The following PRICKLE2 variants were observed in gnomAD, a reference collection of about 807,000 sequenced individuals.
The protein encoded by PRICKLE2 is prickle planar cell polarity protein 2.
Under a neutral mutation model 81.4 loss-of-function variants are expected in PRICKLE2, and 21 were observed. That is an observed-to-expected ratio of 0.26 (90% CI 0.18 to 0.37). The LOEUF is 0.37. Among genes scored for constraint, PRICKLE2 ranks in the 10% least tolerant of loss-of-function variants. PRICKLE2 has a pLI of 1.00. For missense variants in PRICKLE2, 940 were observed against 1,109.0 expected, an observed-to-expected ratio of 0.85 and a Z score of 2.16; for synonymous variants, 456 against 421.5, an observed-to-expected ratio of 1.08 and a Z score of -1.00.
In PRICKLE2 at chr3:64,146,928, C is replaced by T. The variant is rs779903053; in HGVS notation, c.1562G>A (p.Arg521His). The change falls in exon 7 of 8, where the codon CGT (arginine) becomes CAT (histidine). Residue 521 changes from arginine to histidine, a missense_variant. Physicochemically the swap from Arg to His is conservative, Grantham distance 29. This residue lies in a region of PRICKLE2 where 670 missense variants were observed against 717.2 expected (regional missense o/e 0.93). Transcript: ENST00000638394. ...GGLSTQQCRT[R>H]HPISSLKYTE... is the part of the protein sequence containing the mutation. ...GTATTTCAGGGAACTGATGGGATGA[C>T]GGGTCCGACACTGCTGAGTGGACAA... 26 of 1,613,986 alleles carry T rather than the reference C, an allele frequency of 1.6e-5. No individual in the cohort carries two copies. Among genetic ancestry groups the T allele is most frequent in the Admixed American group, 6.7e-5 (4 of 59,990 alleles).
intron 2 of PRICKLE2, among the ~76,000 whole-genome samples, chr3:64,166,477 A>G (rs1365890068): frequency 4.6e-5 from 7 of 152,152 alleles, no homozygotes; most frequent in African/African-American, 1.4e-4. Context: ...ATCCATCCTA[A>G]AGACTGAATT....
intron 1 of PRICKLE2, among the ~76,000 whole-genome samples, chr3:64,222,329 A>G (rs955814141): frequency 4.6e-5 from 7 of 152,238 alleles, no homozygotes; most frequent in Non-Finnish European, 1.0e-4. Flanking sequence ...GCAACCAGGA[A>G]CGACCAACTC....
chr3:64,260,476 T>C (rs915353450), intron 2 of PRICKLE2, among the ~76,000 whole-genome samples: 10 of 152,208 alleles, frequency 6.6e-5, no homozygotes, highest in Admixed American at 2.6e-4. Context: ...GCAGCACTAT[T>C]TCCCTAAGCC....
At chr3:64,168,604 G>A (rs917926081) in intron 2 of PRICKLE2, among the ~76,000 whole-genome samples, 3 of 151,982 alleles carry the variant, frequency 2.0e-5, no homozygotes, top group African/African-American at 7.3e-5. Context: ...TCTGGAGGTG[G>A]GTATTTCATA....
intron 2 of PRICKLE2, among the ~76,000 whole-genome samples, chr3:64,231,507 T>G (rs2079102461): frequency 1.3e-5 from 2 of 152,108 alleles, no homozygotes; most frequent in Admixed American, 1.3e-4. Flanking sequence ...GATGCTCTGG[T>G]TTTTCAGTAT....
intron 7 of PRICKLE2, among the ~76,000 whole-genome samples, chr3:64,126,471 A>G (rs2077108486): frequency 1.3e-5 from 2 of 152,232 alleles, no homozygotes; most frequent in African/African-American, 4.8e-5. Flanking sequence ...CTGCCTCTGC[A>G]GCTGGTTTTA....
intron 5 of PRICKLE2, chr3:64,154,675 T>C (rs2077600396): frequency 6.6e-6 from 1 of 152,188 alleles, no homozygotes; most frequent in Admixed American, 6.5e-5. Context: ...GATATGATGC[T>C]AAAAGCATAA....
chr3:64,264,989 A>G (rs927909810), intron 2 of PRICKLE2, among the ~76,000 whole-genome samples: 3 of 152,190 alleles, frequency 2.0e-5, no homozygotes, highest in African/African-American at 7.2e-5. Flanking sequence ...GAGTTTTCCC[A>G]GACATTGAGT....
chr3:64,235,083 A>G (rs2079160865), intron 2 of PRICKLE2, among the ~76,000 whole-genome samples: 1 of 152,044 alleles, frequency 6.6e-6, no homozygotes, highest in Admixed American at 6.6e-5. Flanking sequence ...TCTGCTCTTC[A>G]GCATACACAA....
chr3:64,172,593 G>A (rs576734882), intron 2 of PRICKLE2, among the ~76,000 whole-genome samples: 2 of 152,294 alleles, frequency 1.3e-5, no homozygotes, highest in South Asian at 2.1e-4. Context: ...AAATGATATC[G>A]TGTAACTAAC....
chr3:64,136,573 T>C (rs984980146), intron 7 of PRICKLE2, among the ~76,000 whole-genome samples: 2 of 151,776 alleles, frequency 1.3e-5, no homozygotes, highest in Admixed American at 1.3e-4. Flanking sequence ...CTGCTTGTAC[T>C]AGGAAGTAGG....
intron 1 of PRICKLE2, among the ~76,000 whole-genome samples, chr3:64,216,234 C>A (rs1007707173): frequency 2.0e-5 from 3 of 152,212 alleles, no homozygotes; most frequent in Non-Finnish European, 4.4e-5. Context: ...CAGTTTTAAA[C>A]CTTTCGGGTG....
At chr3:64,192,511 T>C (rs2078361769) in intron 2 of PRICKLE2, among the ~76,000 whole-genome samples, 1 of 152,234 alleles carries the variant, frequency 6.6e-6, no homozygotes, top group Admixed American at 6.5e-5. Context: ...AGGAGATACA[T>C]TTAATCTGAC....
intron 1 of PRICKLE2, among the ~76,000 whole-genome samples, chr3:64,204,873 G>C (rs1049664199): frequency 1.3e-5 from 2 of 152,014 alleles, no homozygotes; most frequent in Non-Finnish European, 2.9e-5. Flanking sequence ...CCTCAGAAGG[G>C]GGCAGAGGGT....
intron 4 of PRICKLE2, among the ~76,000 whole-genome samples, chr3:64,158,983 A>C (rs1312009775): frequency 6.6e-6 from 1 of 152,200 alleles, no homozygotes. Context: ...GGAATGTTCA[A>C]AAAGCTGTAG....
At chr3:64,102,019 G>A (rs985027545) in intron 7 of PRICKLE2, 3 of 152,140 alleles carry the variant, frequency 2.0e-5, no homozygotes, top group African/African-American at 7.2e-5. Context: ...CCCTTATGTA[G>A]TATTCCAGTC....
chr3:64,168,800 C>A (rs1349431166), intron 2 of PRICKLE2, among the ~76,000 whole-genome samples: 1 of 152,292 alleles, frequency 6.6e-6, no homozygotes, highest in African/African-American at 2.4e-5. Context: ...AATAGGTCTG[C>A]GTGGCTGACC....
At chr3:64,142,231 T>C (rs1272722769) in intron 7 of PRICKLE2, among the ~76,000 whole-genome samples, 1 of 152,068 alleles carries the variant, frequency 6.6e-6, no homozygotes, top group African/African-American at 2.4e-5. Context: ...CAAAATGACT[T>C]TCTTTAATTC....
chr3:64,146,657 G>A lies in PRICKLE2; in HGVS notation c.1660+173C>T, dbSNP rs1010835028. 22 of 661,808 alleles carry A rather than the reference G, an allele frequency of 3.3e-5. No homozygotes were observed. In the African/African-American group the frequency reaches 3.8e-4, roughly 11 times the overall value. The allele number at this position is 661,808 out of a possible 1,614,324, so 41.0% of individuals were successfully genotyped here. The stretch of plus-strand genomic sequence containing the variant: ...ACTCGTGAGGCTGAGGCAGGAGAAT[G>A]GCGTGAACCCGGGAGGTGGAGCTTG... On this transcript the variant is annotated intron_variant, in intron 7 of 7. Transcript: ENST00000638394.
Sources: gnomAD v4.1 joint callset for allele counts (sites outside exome capture counted in the v4.1 genomes callset) on GRCh38, gnomAD v4.1.1 for gene constraint, gnomAD v4.1.1 regional missense constraint, MANE v1.5 for transcripts, NCBI Gene and HGNC (gene_info 2026-07-23, HGNC 2026-07-21) for gene names.